Variants in SDK1 observed in about 807,000 individuals in gnomAD.
SDK1 encodes the protein sidekick cell adhesion molecule 1, also known as protein sidekick-1.
In SDK1, 157 loss-of-function variants were observed where a neutral mutation model predicts 245.5. The observed-to-expected ratio is 0.64, with a 90% CI of 0.56 to 0.73. The LOEUF (loss-of-function observed/expected upper bound fraction) is 0.73. Among genes scored for constraint, SDK1 ranks in the 30% least tolerant of loss-of-function variants. The pLI, the probability that SDK1 is intolerant of heterozygous loss-of-function variation, is 0.00. For synonymous variants in SDK1, 1,647 were observed against 1,278.5 expected, an observed-to-expected ratio of 1.29 and a Z score of -6.15; for missense variants, 3,583 against 3,002.3, an observed-to-expected ratio of 1.19 and a Z score of -4.52.
At chr7:4,242,942 T>C (rs571095041) in intron 43 of SDK1, among the ~76,000 whole-genome samples, 15 of 152,336 alleles carry the variant, frequency 9.8e-5, no homozygotes, top group Non-Finnish European at 1.8e-4. Context: ...CAGGTGCCAG[T>C]CCAAAGCACC....
intron 4 of SDK1, among the ~76,000 whole-genome samples, chr7:3,756,380 T>C (rs1183480119): frequency 6.6e-6 from 1 of 151,810 alleles, no homozygotes; most frequent in African/African-American, 2.4e-5. Flanking sequence ...TCACATGGCA[T>C]AGCACATGTG....
chr7:3,901,995 T>C (rs1338583189), intron 5 of SDK1, among the ~76,000 whole-genome samples: 3 of 152,212 alleles, frequency 2.0e-5, no homozygotes, highest in Non-Finnish European at 4.4e-5. Flanking sequence ...TTTGAGTGTG[T>C]CTCACTTTCT....
In SDK1 at chr7:4,067,890, C is replaced by G. The variant is rs375033498; in HGVS notation, c.2964C>G (p.Leu988=). ...TCACAGAGATCTTGGACACATCTCT[C>G]AAGGTCAGCTGGCAGGAGCCCCTGG... The part of the protein sequence containing the change: ...LSFTEILDTS[L]KVSWQEPLEK... The change falls in exon 20 of 45, where the codon CTC becomes CTG. Residue 988 remains leucine (L), a synonymous_variant. Transcript: ENST00000404826. 6.2e-7 allele frequency: 1 copy of G among 1,613,372 alleles called. No homozygotes were observed. The highest frequency in any genetic ancestry group is 1.7e-5 in the Admixed American group (1 of 59,922).
chr7:3,357,380 C>A (rs1780832660), intron 1 of SDK1, among the ~76,000 whole-genome samples: 1 of 100,616 alleles, frequency 9.9e-6, no homozygotes, highest in Non-Finnish European at 1.9e-5. Flanking sequence ...GGCAGGGTCT[C>A]ACTCTGTTGC....
Position 4,241,843 on chromosome 7 carries a change from T to C in SDK1, c.6181T>C (p.Phe2061Leu). The C allele has an allele frequency of 6.2e-7, 1 of 1,614,124 alleles. No individual in the cohort carries two copies. Among genetic ancestry groups the C allele is most frequent in the South Asian group, 1.1e-5 (1 of 91,074 alleles). The change falls in exon 43 of 45, where the codon TTT becomes CTT. Residue 2061 changes from phenylalanine to leucine, a missense_variant. Coordinates refer to ENST00000404826, the MANE Select transcript of SDK1 (RefSeq NM_152744.4). ...EESVTLDNGG[F>L]AALELSSRHL... ...GTCTGTGACCCTGGACAACGGAGGA[T>C]TTGCTGCCCTGGAGCTCAGCAGCCG...
Position 3,561,216 on chromosome 7 carries a change from C to CT in SDK1, c.299-57859dup, listed in dbSNP as rs1779740839. ...CTCCACAGTTCTATTAGAATCCTTC[C>CT]TTTTTACTCTCCTTGTTTTTCTTCA... On this transcript the variant is annotated intron_variant, in intron 1 of 44. Coordinates refer to ENST00000404826, the MANE Select transcript of SDK1 (RefSeq NM_152744.4). Among the ~76,000 whole-genome samples the CT allele has an allele frequency of 7.9e-5, 12 of 152,274 alleles. No homozygotes were observed. The South Asian group carries it at 2.3e-3, about 29-fold the overall frequency.
chr7:3,998,616 G>A (rs934602416), intron 14 of SDK1, among the ~76,000 whole-genome samples: 4 of 152,192 alleles, frequency 2.6e-5, no homozygotes, highest in South Asian at 2.1e-4. Context: ...TCTGAGGGAC[G>A]TGGTCTTCAT....
chr7:4,043,505 G>C (rs1384017948), intron 17 of SDK1, among the ~76,000 whole-genome samples: 2 of 152,352 alleles, frequency 1.3e-5, no homozygotes, highest in Admixed American at 6.5e-5. Flanking sequence ...GTGAGAGCTC[G>C]TGATTTTAGG....
chr7:4,079,404 C>A (rs566632387), intron 21 of SDK1, 59 bp from the exon 22 acceptor site: 2 of 1,586,810 alleles, frequency 1.3e-6, no homozygotes, highest in African/African-American at 1.4e-5. Flanking sequence ...ACGTTTGATA[C>A]CTTTCCTAAG....
chr7:3,509,081 TGTGC>T (rs1207595133), intron 1 of SDK1, among the ~76,000 whole-genome samples: 84 of 139,142 alleles, frequency 6.0e-4, no homozygotes, highest in African/African-American at 1.9e-3. Flanking sequence ...TGTGTGTGTG[TGTGC>T]GTGTGTGTGT....
At chr7:3,878,925 C>T (rs948726249) in intron 5 of SDK1, among the ~76,000 whole-genome samples, 9 of 152,054 alleles carry the variant, frequency 5.9e-5, no homozygotes, top group South Asian at 2.1e-4. Flanking sequence ...CCTGTGTAAT[C>T]GCCACTCAGG....
At chr7:3,986,221 C>G (rs1219686711) in intron 13 of SDK1, among the ~76,000 whole-genome samples, 1 of 151,348 alleles carries the variant, frequency 6.6e-6, no homozygotes, top group East Asian at 1.9e-4. Flanking sequence ...TAACTAGTAA[C>G]TTATTTAAAG....
At chr7:3,704,556 T>A (rs894220908) in intron 4 of SDK1, among the ~76,000 whole-genome samples, 1 of 152,098 alleles carries the variant, frequency 6.6e-6, no homozygotes, top group East Asian at 1.9e-4. Context: ...TCTTACTGAT[T>A]AGTTTGAGTT....
At chr7:3,916,886 G>T (rs1028026099) in intron 5 of SDK1, among the ~76,000 whole-genome samples, 1 of 152,176 alleles carries the variant, frequency 6.6e-6, no homozygotes, top group African/African-American at 2.4e-5. Context: ...GATAATAGAG[G>T]ACTTTAGCTT....
At chr7:3,586,203 G>C (rs992598965) in intron 1 of SDK1, among the ~76,000 whole-genome samples, 1 of 151,972 alleles carries the variant, frequency 6.6e-6, no homozygotes, top group Non-Finnish European at 1.5e-5. Flanking sequence ...TGAGTGTCTT[G>C]GTGGAAAGGA....
intron 38 of SDK1, among the ~76,000 whole-genome samples, chr7:4,212,898 CT>C (rs1448200931): frequency 6.6e-6 from 1 of 152,204 alleles, no homozygotes; most frequent in African/African-American, 2.4e-5. Flanking sequence ...GCTCCCCAGT[CT>C]TCTGTGTTAA....
At chr7:3,999,205 C>A (rs1161869012) in intron 14 of SDK1, among the ~76,000 whole-genome samples, 1 of 152,142 alleles carries the variant, frequency 6.6e-6, no homozygotes, top group East Asian at 1.9e-4. Flanking sequence ...GAGCCATCGA[C>A]CTTCTTTCTC....
intron 1 of SDK1, among the ~76,000 whole-genome samples, chr7:3,380,566 C>T (rs1781460911): frequency 6.6e-6 from 1 of 152,194 alleles, no homozygotes; most frequent in Non-Finnish European, 1.5e-5. Flanking sequence ...TATTAAGCTG[C>T]AAGTAACAAA....
intron 2 of SDK1, among the ~76,000 whole-genome samples, chr7:3,620,240 A>G (rs969819777): frequency 3.9e-5 from 6 of 152,022 alleles, no homozygotes; most frequent in Non-Finnish European, 7.4e-5. Context: ...TGTGTGTGTC[A>G]GTTGTCTGTG....
Sources: allele counts gnomAD v4.1 joint callset (sites outside exome capture counted in the v4.1 genomes callset), GRCh38; gene constraint gnomAD v4.1.1; transcripts MANE v1.5; gene names NCBI Gene and HGNC (gene_info 2026-07-23, HGNC 2026-07-21).